TOMM34: variants seen among roughly 807,000 people sequenced by gnomAD.
The protein encoded by TOMM34 is translocase of outer mitochondrial membrane 34.
In TOMM34, 24 loss-of-function variants were observed where a neutral mutation model predicts 37.4. That is an observed-to-expected ratio of 0.64 (90% CI 0.46 to 0.90). The LOEUF is 0.90. Ranked by LOEUF, TOMM34 falls within the 40% of genes least tolerant of loss-of-function variation. The pLI, the probability that TOMM34 is intolerant of heterozygous loss-of-function variation, is 0.00. For missense variants in TOMM34, 304 were observed against 375.6 expected (o/e 0.81, Z 1.58); for synonymous variants, 154 against 148.9 (o/e 1.03, Z -0.25).
intron 1 of TOMM34, among the ~76,000 whole-genome samples, chr20:44,956,719 C>G (rs1019484105): frequency 2.0e-5 from 3 of 152,126 alleles, no homozygotes; most frequent in Non-Finnish European, 4.4e-5. Flanking sequence ...TTCACTCATT[C>G]CAGCACTGAA....
chr20:44,959,995 G>A lies in TOMM34; in HGVS notation c.127+212C>T, dbSNP rs962450542. Reference sequence around the variant, plus strand: ...GCTTTCTTCTCAGGGCTCAGAACGAGGCCTAAATAACTTAGGATGGGGGCC... The same window carrying A: ...GCTTTCTTCTCAGGGCTCAGAACGAAGCCTAAATAACTTAGGATGGGGGCC... On this transcript the variant is annotated intron_variant, in intron 1 of 6. Transcript: ENST00000372813. 3 of 985,298 alleles carry A rather than the reference G, an allele frequency of 3.0e-6. No individual in the cohort carries two copies. The African/African-American group carries it at 5.2e-5, about 17-fold the overall frequency. The allele number at this position is 985,298 out of a possible 1,614,324, so 61.0% of individuals were successfully genotyped here. A position where few individuals can be genotyped will look rare whatever the true frequency, so the allele number is the denominator to read the frequency against.
intron 4 of TOMM34, among the ~76,000 whole-genome samples, chr20:44,949,377 G>T (rs765350725): frequency 3.9e-5 from 6 of 152,146 alleles, no homozygotes; most frequent in Non-Finnish European, 8.8e-5. Context: ...TAAAGAAAAG[G>T]TATAGCTTCT....
intron 1 of TOMM34, 33 bp from the exon 2 acceptor site, chr20:44,956,518 T>C (rs759604123): frequency 1.2e-6 from 2 of 1,609,508 alleles, no homozygotes; most frequent in Non-Finnish European, 1.7e-6. Context: ...ATGATCAGTT[T>C]GGAAAATGGG....
chr20:44,951,107 G>A (rs999003420), intron 4 of TOMM34, among the ~76,000 whole-genome samples: 1 of 152,186 alleles, frequency 6.6e-6, no homozygotes, highest in Non-Finnish European at 1.5e-5. Flanking sequence ...GCCGGTTATG[G>A]TGTGTACTTC....
At position 44,942,983 on chromosome 20, in the gene TOMM34, G is replaced by C; in HGVS notation, c.*126C>G. 1.2e-6 allele frequency: 1 copy of C among 803,632 alleles called. No individual in the cohort carries two copies. Among genetic ancestry groups the C allele is most frequent in the South Asian group, 1.6e-5 (1 of 61,916 alleles). 49.8% of individuals were successfully genotyped at this position (803,632 alleles called of 1,614,324 possible). Reference sequence around the variant, plus strand: ...CTCTTACAGGGTGGGAGGCCATCAAGGGATTGAGGAGGGGGCTTCAGAGCT... The same window carrying C: ...CTCTTACAGGGTGGGAGGCCATCAACGGATTGAGGAGGGGGCTTCAGAGCT... On this transcript the variant is annotated 3_prime_UTR_variant, in exon 7 of 7. Transcript: ENST00000372813.
chr20:44,956,542 T>A, intron 1 of TOMM34, 57 bp from the exon 2 acceptor site: 1 of 1,540,406 alleles, frequency 6.5e-7, no homozygotes, highest in Non-Finnish European at 9.0e-7. Context: ...CTCAGGGCAT[T>A]AGGATACATT....
At chr20:44,956,344 C>T (rs2234201) in intron 2 of TOMM34, 42 bp downstream of exon 2, 1 of 1,594,274 alleles carries the variant, frequency 6.3e-7, no homozygotes, top group Non-Finnish European at 8.6e-7. Context: ...GCCTCCTCTT[C>T]TGAGACCCTC....
chr20:44,958,927 C>CAAAA (rs5841576), intron 1 of TOMM34: 2 of 98,350 alleles, frequency 2.0e-5, no homozygotes, highest in East Asian at 2.8e-4. Context: ...AAAGTGCAGA[C>CAAAA]AAAAAAAAAA....
chr20:44,955,233 G>A lies in TOMM34; in HGVS notation c.228-13C>T. On this transcript the variant is annotated splice_polypyrimidine_tract_variant and intron_variant, in intron 2 of 6. Coordinates refer to ENST00000372813, the MANE Select transcript of TOMM34 (RefSeq NM_006809.5). ...CAAGGCCAGTGCTCTAGAATAGGAG[G>A]CAAAAATGTCAACTGGCTGGCTGCT... is the stretch of plus-strand genomic sequence containing the variant. The A allele has an allele frequency of 1.2e-6, 2 of 1,609,924 alleles. No homozygotes were observed. The highest frequency in any genetic ancestry group is 2.2e-5 in the East Asian group (1 of 44,830).
Position 44,960,241 on chromosome 20 carries a change from G to T in TOMM34, c.93C>A (p.Leu31=). The change falls in exon 1 of 7, where the codon CTC becomes CTA. Residue 31 remains leucine, a synonymous_variant. Transcript: ENST00000372813. ...RNGQYAEASA[L]YGRALRVLQA... ...GCAGCACCCGCAGCGCGCGGCCGTA[G>T]AGCGCGGAGGCCTCGGCGTACTGGC... The T allele has an allele frequency of 6.4e-7, 1 of 1,566,580 alleles. No homozygotes were observed. Among genetic ancestry groups the T allele is most frequent in the South Asian group, 1.2e-5 (1 of 85,332 alleles).
chr20:44,953,756 C>CT lies in TOMM34; in HGVS notation c.380+1311dup, dbSNP rs565869962. Among the ~76,000 whole-genome samples the CT allele has an allele frequency of 3.9e-5, 6 of 152,320 alleles. No homozygotes were observed. In the East Asian group the frequency reaches 1.2e-3, roughly 29 times the overall value. On this transcript the variant is annotated intron_variant, in intron 3 of 6. Transcript: ENST00000372813. Reference sequence around the variant, plus strand: ...GATATACTTCCTACATGTCCCCTGACTGGTCCCATTGTTTTCTCTCCACCC... The same window carrying CT: ...GATATACTTCCTACATGTCCCCTGACTTGGTCCCATTGTTTTCTCTCCACCC...
intron 4 of TOMM34, among the ~76,000 whole-genome samples, chr20:44,949,730 G>C (rs1427980202): frequency 6.6e-6 from 1 of 152,172 alleles, no homozygotes; most frequent in African/African-American, 2.4e-5. Context: ...TAGGACCTTT[G>C]AAGTCCTGGG....
chr20:44,943,713 C>T, intron 5 of TOMM34, 134 bp from the exon 6 acceptor site: 2 of 1,338,446 alleles, frequency 1.5e-6, no homozygotes, highest in East Asian at 4.7e-5. Flanking sequence ...CTTCTTAAAT[C>T]CTCACAACAA....
At chr20:44,959,407 C>T (rs1983688) in intron 1 of TOMM34, among the ~76,000 whole-genome samples, 47,564 of 151,880 alleles carry the variant, frequency 0.31, 8,445 homozygotes, top group Admixed American at 0.48. Flanking sequence ...ATATGCTATT[C>T]TTCTGTTTCA....
chr20:44,950,211 T>C (rs915992264), intron 4 of TOMM34, among the ~76,000 whole-genome samples: 2 of 152,172 alleles, frequency 1.3e-5, no homozygotes, highest in Non-Finnish European at 2.9e-5. Context: ...GTTCCCCCCA[T>C]GCACTTTCAT....
At chr20:44,952,897 C>T (rs1030198268) in intron 3 of TOMM34, among the ~76,000 whole-genome samples, 14 of 152,138 alleles carry the variant, frequency 9.2e-5, no homozygotes, top group African/African-American at 3.4e-4. Flanking sequence ...TATTTCAAAC[C>T]TCTGCTCTCC....
rs2067116324 is a variant in TOMM34, at chr20:44,960,387, C to G, written c.-54G>C. 1.4e-6 allele frequency: 2 copies of G among 1,462,660 alleles called. No homozygotes were observed. The highest frequency in any genetic ancestry group is 1.8e-6 in the Non-Finnish European group (2 of 1,103,218). The allele number at this position is 1,462,660 out of a possible 1,614,324, so 90.6% of individuals were successfully genotyped here. Reference sequence around the variant, plus strand: ...TCCTTCCTTCCTCCCCCGTGTGGTGCGGCACACCTTCCGGGCGCAAGCGCC... The same window carrying G: ...TCCTTCCTTCCTCCCCCGTGTGGTGGGGCACACCTTCCGGGCGCAAGCGCC... On this transcript the variant is annotated 5_prime_UTR_variant, in exon 1 of 7. Coordinates refer to ENST00000372813, the MANE Select transcript of TOMM34 (RefSeq NM_006809.5).
In TOMM34 at chr20:44,955,055, G is replaced by C. The variant is rs2145605062; in HGVS notation, c.380+13C>G. 1 of 1,613,770 alleles carries C rather than the reference G, an allele frequency of 6.2e-7. No homozygotes were observed. The highest frequency in any genetic ancestry group is 1.3e-5 in the African/African-American group (1 of 75,032). ...AGTTGCCGTGGAGACCACCTGCTGG[G>C]AATGGAGCTCACCTGTTGATGCCTT... is the stretch of plus-strand genomic sequence containing the variant. On this transcript the variant is annotated intron_variant, in intron 3 of 6. Transcript: ENST00000372813.
Position 44,960,334 on chromosome 20 carries a change from C to G in TOMM34, c.-1G>C. On this transcript the variant is annotated 5_prime_UTR_variant, in exon 1 of 7. Transcript: ENST00000372813. ...CAGAGTCTGGGAATTTGGGGGCCAT[C>G]CCGTGGCCAGGCCGGCGAGTTGGGA... The G allele has an allele frequency of 3.8e-6, 6 of 1,567,096 alleles. No homozygotes were observed. The highest frequency in any genetic ancestry group is 5.2e-6 in the Non-Finnish European group (6 of 1,156,280).
Sources: gnomAD v4.1 joint callset for allele counts (sites outside exome capture counted in the v4.1 genomes callset) on GRCh38, gnomAD v4.1.1 for gene constraint, MANE v1.5 for transcripts, NCBI Gene and HGNC (gene_info 2026-07-23, HGNC 2026-07-21) for gene names.